Variants in CHN2 observed in about 807,000 individuals in gnomAD.
CHN2 encodes chimerin 2.
Under a neutral mutation model 56.3 loss-of-function variants are expected in CHN2, and 35 were observed. That is an observed-to-expected ratio of 0.62 (90% CI 0.47 to 0.82). CHN2 has a LOEUF of 0.82. Among genes scored for constraint, CHN2 ranks in the 40% least tolerant of loss-of-function variants. CHN2 has a pLI of 0.00. For synonymous variants in CHN2, 210 were observed against 212.8 expected (o/e 0.99, Z 0.12); for missense variants, 491 against 580.5 (o/e 0.85, Z 1.58).
chr7:29,387,328 A>C (rs189152432), intron 3 of CHN2, among the ~76,000 whole-genome samples: 2 of 152,342 alleles, frequency 1.3e-5, no homozygotes, highest in Admixed American at 6.5e-5. Flanking sequence ...AAAGGAGTGT[A>C]ATAATCTACT....
chr7:29,442,956 C>T (rs1199337992), intron 6 of CHN2, among the ~76,000 whole-genome samples: 3 of 55,294 alleles, frequency 5.4e-5, no homozygotes, highest in African/African-American at 1.1e-4. Context: ...TTTTTTGAGA[C>T]GGAGTCTCGC....
chr7:29,320,485 CTTTA>C (rs1324627894), intron 1 of CHN2, among the ~76,000 whole-genome samples: 2 of 152,128 alleles, frequency 1.3e-5, no homozygotes, highest in East Asian at 3.9e-4. Flanking sequence ...TTTTCTGCAA[CTTTA>C]TTATAAAAAA....
intron 3 of CHN2, among the ~76,000 whole-genome samples, chr7:29,390,327 C>G (rs1251543352): frequency 6.6e-6 from 1 of 152,158 alleles, no homozygotes; most frequent in Admixed American, 6.5e-5. Context: ...GGAGTCAGAG[C>G]ACTAAATCCC....
intron 6 of CHN2, among the ~76,000 whole-genome samples, chr7:29,453,141 G>T (rs1456929345): frequency 6.6e-6 from 1 of 152,188 alleles, no homozygotes; most frequent in Non-Finnish European, 1.5e-5. Flanking sequence ...AAATTCCACA[G>T]CATCTCACAA....
rs138853951 is a variant in CHN2, at chr7:29,509,333, G to A, written c.1162G>A (p.Val388Ile). Reference sequence around the variant, plus strand: ...CAATGCAGATGAGAGGCTGGAAGCCGTCCATGAAGTGCTGATGCTGCTGCC... The same window carrying A: ...CAATGCAGATGAGAGGCTGGAAGCCATCCATGAAGTGCTGATGCTGCTGCC... ...ISNADERLEA[V>I]HEVLMLLPPA... Residue 388 changes from valine to isoleucine, a missense_variant, in exon 12 of 13, where the codon GTC (valine) becomes ATC (isoleucine). Transcript: ENST00000222792. 1.7e-4 allele frequency: 268 copies of A among 1,614,050 alleles called. No homozygotes were observed. The highest frequency in any genetic ancestry group is 2.5e-4 in the Admixed American group (15 of 60,012).
intron 1 of CHN2, among the ~76,000 whole-genome samples, chr7:29,323,982 C>T (rs1389513539): frequency 2.0e-5 from 3 of 150,882 alleles, no homozygotes; most frequent in Non-Finnish European, 4.4e-5. Flanking sequence ...CCAGCCTGGG[C>T]GACAGAGCGA....
Position 29,365,250 on chromosome 7 carries a change from G to C in CHN2, c.89-2682G>C, listed in dbSNP as rs191238938. 7.9e-5 allele frequency among the ~76,000 whole-genome samples: 12 copies of C among 152,246 alleles called. No homozygotes were observed. The South Asian group carries it at 1.0e-3, about 13-fold the overall frequency. ...TTGGGCCTCTCACTAAAGCTGATAG[G>C]GTTCTTGAAAGTAGAGGCTGTGGTT... On this transcript the variant is annotated intron_variant, in intron 2 of 12. Coordinates refer to ENST00000222792, the MANE Select transcript of CHN2 (RefSeq NM_004067.4).
At chr7:29,236,657 C>T (rs1041887619) in intron 1 of CHN2, among the ~76,000 whole-genome samples, 1 of 152,218 alleles carries the variant, frequency 6.6e-6, no homozygotes, top group South Asian at 2.1e-4. Context: ...AACAAATTAT[C>T]TCAAATCTAA....
chr7:29,473,136 T>C (rs1786251484), intron 6 of CHN2, among the ~76,000 whole-genome samples: 1 of 152,238 alleles, frequency 6.6e-6, no homozygotes, highest in African/African-American at 2.4e-5. Flanking sequence ...ATTTTTGCCT[T>C]TGCCTTAAAT....
chr7:29,161,118 T>G (rs1174684877), intron 2 of CHN2, among the ~76,000 whole-genome samples: 3 of 152,302 alleles, frequency 2.0e-5, no homozygotes, highest in Non-Finnish European at 1.5e-5. Flanking sequence ...TCGTTCTACC[T>G]TATCTATGAT....
intron 1 of CHN2, among the ~76,000 whole-genome samples, chr7:29,233,677 T>G (rs1786900940): frequency 6.6e-6 from 1 of 151,726 alleles, no homozygotes; most frequent in African/African-American, 2.4e-5. Context: ...AAATGCAAAG[T>G]GAGAAAGACT....
chr7:29,265,446 T>C (rs1403389043), intron 1 of CHN2, among the ~76,000 whole-genome samples: 3 of 152,244 alleles, frequency 2.0e-5, no homozygotes, highest in Admixed American at 2.0e-4. Flanking sequence ...GTTTGACTTC[T>C]GCCTCCTTAA....
intron 12 of CHN2, among the ~76,000 whole-genome samples, chr7:29,511,139 A>C (rs1442101477): frequency 2.0e-5 from 3 of 152,264 alleles, no homozygotes; most frequent in Admixed American, 6.5e-5. Flanking sequence ...TTAGTATGTG[A>C]AAAGAAGCAA....
intron 1 of CHN2, among the ~76,000 whole-genome samples, chr7:29,304,202 C>A (rs1392726779): frequency 6.6e-6 from 1 of 152,136 alleles, no homozygotes; most frequent in East Asian, 1.9e-4. Flanking sequence ...ATGTTTCAAC[C>A]CCACGGTTTA....
intron 2 of CHN2, among the ~76,000 whole-genome samples, chr7:29,176,218 A>G (rs1195441274): frequency 6.6e-6 from 1 of 151,918 alleles, no homozygotes; most frequent in Non-Finnish European, 1.5e-5. Flanking sequence ...GAAAAAAAAG[A>G]CCATGACTAT....
intron 1 of CHN2, chr7:29,199,827 T>A (rs1784017240): frequency 6.6e-6 from 1 of 152,204 alleles, no homozygotes; most frequent in Non-Finnish European, 1.5e-5. Flanking sequence ...TTCTCCCCAC[T>A]GACCCCATGA....
intron 1 of CHN2, among the ~76,000 whole-genome samples, chr7:29,290,727 GTGTTAA>G (rs1462449286): frequency 1.3e-5 from 2 of 152,172 alleles, no homozygotes; most frequent in African/African-American, 4.8e-5. Flanking sequence ...ACATTTAGAA[GTGTTAA>G]TGGTGGCAAA....
At chr7:29,261,789 T>C (rs920773701) in intron 1 of CHN2, among the ~76,000 whole-genome samples, 1 of 152,242 alleles carries the variant, frequency 6.6e-6, no homozygotes, top group African/African-American at 2.4e-5. Context: ...TTAGTGGTTA[T>C]ATATGGGCTC....
intron 6 of CHN2, among the ~76,000 whole-genome samples, chr7:29,402,086 G>C: frequency 6.6e-6 from 1 of 152,268 alleles, no homozygotes; most frequent in East Asian, 1.9e-4. Flanking sequence ...GCCTCCCGTC[G>C]TCCAGTGTCA....
Sources: gnomAD v4.1 joint callset for allele counts (sites outside exome capture counted in the v4.1 genomes callset) on GRCh38, gnomAD v4.1.1 for gene constraint, MANE v1.5 for transcripts, NCBI Gene and HGNC (gene_info 2026-07-23, HGNC 2026-07-21) for gene names.